Variants in POU2F1 observed in about 807,000 individuals in gnomAD.
POU2F1 encodes POU domain, class 2, transcription factor 1.
In POU2F1, 16 loss-of-function variants were observed where a neutral mutation model predicts 84.9. The observed-to-expected ratio is 0.19, with a 90% CI of 0.13 to 0.29. The LOEUF is 0.29. Among genes scored for constraint, POU2F1 ranks in the 10% least tolerant of loss-of-function variants. The pLI, the probability that POU2F1 is intolerant of heterozygous loss-of-function variation, is 1.00. For synonymous variants in POU2F1, 368 were observed against 368.3 expected (o/e 1.00, Z 0.01); for missense variants, 738 against 942.6 (o/e 0.78, Z 2.84).
rs1648281649 is a variant in POU2F1 at position 167,390,006 on chromosome 1, A to G, written c.987+245A>G. ...ATTAAGTATTATAAGTAACGTAGAG[A>G]TGATTTAGAGTATATGGGAGGATAC... On this transcript the variant is annotated intron_variant, in intron 9 of 15. Transcript: ENST00000367866. Among the ~76,000 whole-genome samples the G allele has an allele frequency of 2.6e-5, 4 of 152,340 alleles. No individual in the cohort carries two copies. The South Asian group carries it at 6.2e-4, about 24-fold the overall frequency.
chr1:167,313,263 A>G (rs1342849441), intron 1 of POU2F1, among the ~76,000 whole-genome samples: 1 of 152,240 alleles, frequency 6.6e-6, no homozygotes, highest in East Asian at 1.9e-4. Context: ...CCAAATTGAT[A>G]TACAGGTTTA....
At chr1:167,237,852 T>C (rs1254400115) in intron 1 of POU2F1, among the ~76,000 whole-genome samples, 1 of 139,102 alleles carries the variant, frequency 7.2e-6, no homozygotes, top group East Asian at 2.3e-4. Context: ...TGATCTCGGC[T>C]CACTTCAGCT....
rs763850240 is a variant in POU2F1, at chr1:167,370,218, A to G, written c.282+4A>G. 5 of 1,593,616 alleles carry G rather than the reference A, an allele frequency of 3.1e-6. No homozygotes were observed. The African/African-American group carries it at 6.7e-5, about 21-fold the overall frequency. On this transcript the variant is annotated splice_donor_region_variant and intron_variant, in intron 4 of 15. Transcript: ENST00000367866. Reference sequence around the variant, plus strand: ...TGCTCAGTCTTTAAATGTACAGGTAAGCTGGGACCTGGGATTATGGGTCAA... The same window carrying G: ...TGCTCAGTCTTTAAATGTACAGGTAGGCTGGGACCTGGGATTATGGGTCAA...
At chr1:167,303,911 G>A (rs915270379) in intron 1 of POU2F1, among the ~76,000 whole-genome samples, 8 of 152,132 alleles carry the variant, frequency 5.3e-5, no homozygotes, top group African/African-American at 1.9e-4. Context: ...TATATCATTA[G>A]CATTAATCCC....
At chr1:167,375,684 A>AGAGG (rs1660280444) in intron 6 of POU2F1, among the ~76,000 whole-genome samples, 2 of 152,210 alleles carry the variant, frequency 1.3e-5, no homozygotes, top group Non-Finnish European at 2.9e-5. Context: ...TCAATCAAAT[A>AGAGG]TTTAAAAACT....
At chr1:167,383,820 C>A (rs1249751869) in intron 7 of POU2F1, 37 bp from the exon 8 acceptor site, 1 of 1,541,806 alleles carries the variant, frequency 6.5e-7, no homozygotes. Context: ...TCGAAGAAAT[C>A]TTTAATGTTT....
intron 2 of POU2F1, among the ~76,000 whole-genome samples, chr1:167,347,749 C>G (rs1479244517): frequency 1.3e-5 from 2 of 152,252 alleles, no homozygotes; most frequent in East Asian, 3.9e-4. Context: ...ATAAATTTAC[C>G]TATTCTAGGT....
At chr1:167,267,114 T>C (rs575712042) in intron 1 of POU2F1, among the ~76,000 whole-genome samples, 1 of 151,856 alleles carries the variant, frequency 6.6e-6, no homozygotes, top group Admixed American at 6.6e-5. Flanking sequence ...CATTAGTATA[T>C]CCTTGAAGTA....
At position 167,376,150 on chromosome 1, in the gene POU2F1, A is replaced by G; in HGVS notation, c.713A>G (p.Gln238Arg). The change falls in exon 7 of 16, where the codon CAG (glutamine) becomes CGG (arginine). Residue 238 changes from glutamine to arginine, a missense_variant. Gln to Arg is a conservative substitution (Grantham distance 43). Around this residue, in one of 4 missense-constraint regions of POU2F1, gnomAD observed 163 missense variants for 214.4 expected, o/e 0.76. Transcript: ENST00000367866. ...QFIISQTPQGQQGLLQAQNLL... is the reference protein window; with the variant it reads ...QFIISQTPQGRQGLLQAQNLL... Reference sequence around the variant, plus strand: ...ATCATCTCACAGACGCCCCAGGGCCAGCAGGGTGAGCTCCTCCTTAGAGCT... The same window carrying G: ...ATCATCTCACAGACGCCCCAGGGCCGGCAGGGTGAGCTCCTCCTTAGAGCT... The G allele has an allele frequency of 6.2e-7, 1 of 1,614,218 alleles. No homozygotes were observed. Among genetic ancestry groups the G allele is most frequent in the Non-Finnish European group, 8.5e-7 (1 of 1,180,034 alleles).
chr1:167,407,387 C>A (rs116724625), intron 13 of POU2F1, among the ~76,000 whole-genome samples: 1 of 152,080 alleles, frequency 6.6e-6, no homozygotes, highest in Non-Finnish European at 1.5e-5. Context: ...CAGGTTTTTT[C>A]TTTGTTTTGT....
At chr1:167,334,623 G>A (rs766668279) in intron 2 of POU2F1, among the ~76,000 whole-genome samples, 6 of 152,196 alleles carry the variant, frequency 3.9e-5, no homozygotes, top group East Asian at 1.9e-4. Context: ...TGTTGTAACC[G>A]TCTTGTGAAT....
chr1:167,312,655 G>A (rs1218407777), intron 1 of POU2F1, among the ~76,000 whole-genome samples: 1 of 152,050 alleles, frequency 6.6e-6, no homozygotes, highest in East Asian at 1.9e-4. Flanking sequence ...AAGTGTACAG[G>A]CTTTCTCTAG....
chr1:167,369,843 T>A (rs2101840765), intron 3 of POU2F1, among the ~76,000 whole-genome samples: 1 of 152,172 alleles, frequency 6.6e-6, no homozygotes, highest in East Asian at 1.9e-4. Context: ...TTTTAGAATC[T>A]TAAGCATTCT....
In POU2F1 at chr1:167,371,992, A is replaced by T. The variant is rs773129971; in HGVS notation, c.358A>T (p.Ile120Phe). The T allele has an allele frequency of 2.5e-6, 4 of 1,614,170 alleles. No individual in the cohort carries two copies. The East Asian group carries it at 6.7e-5, about 27-fold the overall frequency. Residue 120 changes from isoleucine (I) to phenylalanine (F), a missense_variant, in exon 5 of 16, where the codon ATT becomes TTT. Transcript: ENST00000367866. ...PSQQPSVQAA[I>F]PQTQLMLAGG... Reference sequence around the variant, plus strand: ...CCAGCAGCCTTCAGTGCAGGCAGCCATTCCCCAGACCCAGCTTATGCTAGC... The same window carrying T: ...CCAGCAGCCTTCAGTGCAGGCAGCCTTTCCCCAGACCCAGCTTATGCTAGC...
Position 167,359,190 on chromosome 1 carries a change from T to A in POU2F1, c.128-6277T>A, listed in dbSNP as rs527999687. On this transcript the variant is annotated intron_variant, in intron 2 of 15. Coordinates refer to ENST00000367866, the MANE Select transcript of POU2F1 (RefSeq NM_002697.4). ...CTCCTGAAACACACTAGACTTTTTTTAAAAAAAAAAAAACTATTTTTGTTT... is the reference window on the plus strand; with the variant it reads ...CTCCTGAAACACACTAGACTTTTTTAAAAAAAAAAAAAACTATTTTTGTTT... Among the ~76,000 whole-genome samples the A allele has an allele frequency of 8.9e-4, 130 of 145,326 alleles. No homozygotes were observed. In the South Asian group the frequency reaches 0.013, roughly 14 times the overall value.
At chr1:167,259,389 C>A (rs893075858) in intron 1 of POU2F1, among the ~76,000 whole-genome samples, 1 of 152,142 alleles carries the variant, frequency 6.6e-6, no homozygotes, top group African/African-American at 2.4e-5. Context: ...GTTTAGTAAA[C>A]CATCTACCGC....
intron 7 of POU2F1, among the ~76,000 whole-genome samples, chr1:167,381,817 C>T (rs1397545136): frequency 6.6e-6 from 1 of 151,434 alleles, no homozygotes; most frequent in African/African-American, 2.4e-5. Context: ...ACCATGTTGG[C>T]CAGGCTGGTC....
At chr1:167,318,376 T>C (rs746683817) in intron 1 of POU2F1, among the ~76,000 whole-genome samples, 1 of 152,210 alleles carries the variant, frequency 6.6e-6, no homozygotes, top group Non-Finnish European at 1.5e-5. Context: ...AGTGTGGCCA[T>C]GGCACGCAGA....
At chr1:167,297,780 C>T (rs1248917000) in intron 1 of POU2F1, among the ~76,000 whole-genome samples, 1 of 152,084 alleles carries the variant, frequency 6.6e-6, no homozygotes, top group African/African-American at 2.4e-5. Flanking sequence ...AGCTCTATCC[C>T]ACTAGTGGCA....
Sources: gnomAD v4.1 joint callset for allele counts (sites outside exome capture counted in the v4.1 genomes callset) on GRCh38, gnomAD v4.1.1 for gene constraint, gnomAD v4.1.1 regional missense constraint, MANE v1.5 for transcripts, NCBI Gene and HGNC (gene_info 2026-07-23, HGNC 2026-07-21) for gene names.